DHRSX: variants seen among roughly 807,000 people sequenced by gnomAD.
DHRSX encodes polyprenol dehydrogenase.
DHRSX carries 31 observed loss-of-function variants against 34.0 expected under a neutral mutation model. That is an observed-to-expected ratio of 0.91 (90% CI 0.69 to 1.23). DHRSX has a LOEUF of 1.23. Ranked by LOEUF, DHRSX falls within the 50% of genes most tolerant of loss-of-function variation. The pLI is 0.00. For missense variants in DHRSX, 414 were observed against 428.1 expected (o/e 0.97, Z 0.29); for synonymous variants, 201 against 183.8 (o/e 1.09, Z -0.76).
chrX:2,490,391 A>G (rs1323908993), intron 1 of DHRSX: 6 of 1,613,832 alleles, frequency 3.7e-6, no homozygotes, highest in South Asian at 1.1e-5. Flanking sequence ...CTTGACGGCC[A>G]GCGCGTCCTG....
intron 3 of DHRSX, among the ~76,000 whole-genome samples, chrX:2,357,698 A>AT (rs1306684150): frequency 7.5e-6 from 1 of 133,014 alleles, no homozygotes; most frequent in African/African-American, 2.9e-5. Flanking sequence ...GACTCAGGAA[A>AT]TTAAAAAAAA....
intron 5 of DHRSX, among the ~76,000 whole-genome samples, chrX:2,243,767 G>C (rs992926381): frequency 7.1e-6 from 1 of 140,190 alleles, no homozygotes; most frequent in African/African-American, 2.6e-5. Context: ...GGGATTACAG[G>C]CAGGAGCCAC....
intron 1 of DHRSX, among the ~76,000 whole-genome samples, chrX:2,475,908 A>AT (rs2044671770): frequency 6.6e-6 from 1 of 152,212 alleles, no homozygotes; most frequent in South Asian, 2.1e-4. Context: ...AACTGCAGTA[A>AT]TTACCAAGAC....
intron 3 of DHRSX, among the ~76,000 whole-genome samples, chrX:2,347,866 T>A (rs2042740437): frequency 6.6e-6 from 1 of 152,198 alleles, no homozygotes; most frequent in African/African-American, 2.4e-5. Context: ...AGCATCCATC[T>A]GCAGTTAGAC....
intron 5 of DHRSX, among the ~76,000 whole-genome samples, chrX:2,258,210 T>C: frequency 6.7e-6 from 1 of 149,498 alleles, no homozygotes. Flanking sequence ...TGGTATTCTG[T>C]GATAGCAGCC....
chrX:2,302,867 A>T (rs1195897407), intron 3 of DHRSX, among the ~76,000 whole-genome samples: 2 of 152,098 alleles, frequency 1.3e-5, no homozygotes, highest in Non-Finnish European at 2.9e-5. Context: ...TTTTTTAGTA[A>T]TTCATTTTTA....
chrX:2,474,801 G>C (rs748552792), intron 1 of DHRSX, among the ~76,000 whole-genome samples: 30,764 of 150,286 alleles, frequency 0.2, 4,177 homozygotes, highest in African/African-American at 0.39. Context: ...CCAAGAGACT[G>C]CCACCATATA....
intron 2 of DHRSX, among the ~76,000 whole-genome samples, chrX:2,412,318 G>A (rs1179222191): frequency 1.3e-5 from 2 of 152,086 alleles, no homozygotes; most frequent in Non-Finnish European, 1.5e-5. Context: ...GCCTGACCTC[G>A]GGTGACCCGT....
chrX:2,353,364 C>G (rs1487610588), intron 3 of DHRSX, among the ~76,000 whole-genome samples: 2 of 152,074 alleles, frequency 1.3e-5, no homozygotes, highest in Non-Finnish European at 2.9e-5. Context: ...TCCTCATTTA[C>G]CCCGAAATGA....
At chrX:2,436,480 T>TATTA (rs1423909031) in intron 1 of DHRSX, among the ~76,000 whole-genome samples, 1 of 135,484 alleles carries the variant, frequency 7.4e-6, no homozygotes, top group African/African-American at 2.7e-5. Context: ...TTATTATTAT[T>TATTA]ATTATTATTA....
At chrX:2,366,731 G>A (rs962330975) in intron 3 of DHRSX, among the ~76,000 whole-genome samples, 1 of 151,590 alleles carries the variant, frequency 6.6e-6, no homozygotes, top group Non-Finnish European at 1.5e-5. Context: ...TTGAGAGGGA[G>A]ACCAGAAGCA....
In DHRSX at chrX:2,293,822, G is replaced by A. The variant is rs1310345304; in HGVS notation, c.287-2219C>T. 2.0e-5 allele frequency among the ~76,000 whole-genome samples: 3 copies of A among 152,042 alleles called. No homozygotes were observed. The East Asian group carries it at 5.8e-4, about 29-fold the overall frequency. On this transcript the variant is annotated intron_variant, in intron 3 of 6. Coordinates refer to ENST00000334651, the MANE Select transcript of DHRSX (RefSeq NM_145177.3). ...AGGATAAGCAGTGTGTGTGTGTGGT[G>A]GGGGGAGGGGTCTGCCTGTGCCCCC...
At chrX:2,401,045 A>G (rs1487028242) in intron 3 of DHRSX, among the ~76,000 whole-genome samples, 3 of 151,906 alleles carry the variant, frequency 2.0e-5, no homozygotes, top group African/African-American at 7.3e-5. Flanking sequence ...CACATGAACC[A>G]AACAGCTAGT....
At chrX:2,335,373 G>T (rs763968389) in intron 3 of DHRSX, among the ~76,000 whole-genome samples, 1 of 152,048 alleles carries the variant, frequency 6.6e-6, no homozygotes, top group South Asian at 2.1e-4. Flanking sequence ...GAAACACGGG[G>T]ACGACTCGAA....
chrX:2,308,885 C>T (rs756844902), intron 3 of DHRSX, among the ~76,000 whole-genome samples: 34 of 138,744 alleles, frequency 2.5e-4, no homozygotes, highest in African/African-American at 6.2e-4. Context: ...TGGGTGGAAA[C>T]GGGGAAGGAA....
rs1416399482 is a variant in DHRSX, at chrX:2,291,616, A to G, written c.287-13T>C. The G allele has an allele frequency of 1.3e-6, 2 of 1,599,434 alleles. No individual in the cohort carries two copies. On this transcript the variant is annotated splice_polypyrimidine_tract_variant and intron_variant, in intron 3 of 6. Transcript: ENST00000334651. ...TATAAAAATTCCACTGGAAAAGGACAACAACAAAAAATACCTGGTTATCTC... is the reference window on the plus strand; with the variant it reads ...TATAAAAATTCCACTGGAAAAGGACGACAACAAAAAATACCTGGTTATCTC...
At position 2,219,671 on chromosome X, in the gene DHRSX, G is replaced by C. The variant is rs978498707; in HGVS notation, c.*1370C>G. 6.6e-6 allele frequency: 1 copy of C among 152,164 alleles called. No individual in the cohort carries two copies. The highest frequency in any genetic ancestry group is 2.1e-4 in the South Asian group (1 of 4,826). The allele number at this position is 152,164 out of a possible 1,614,324, so 9.4% of individuals were successfully genotyped here. On this transcript the variant is annotated 3_prime_UTR_variant, in exon 7 of 7. Transcript: ENST00000334651. ...AATTGCAGCTGGTTGTGATTCTAAG[G>C]TACAGGCATGCCAGGAGCCTGGATT...
In DHRSX at chrX:2,425,297, G is replaced by A. The variant is rs2043830396; in HGVS notation, c.117C>T (p.Pro39=). 2 of 1,612,546 alleles carry A rather than the reference G, an allele frequency of 1.2e-6. No homozygotes were observed. Among genetic ancestry groups the A allele is most frequent in the Admixed American group, 1.7e-5 (1 of 59,806 alleles). Reference sequence around the variant, plus strand: ...CTATAGCGACACGGTCAGGTCGTGGGGGGAAAACTGAAAAAGAAGAAGAGA... The same window carrying A: ...CTATAGCGACACGGTCAGGTCGTGGAGGGAAAACTGAAAAAGAAGAAGAGA... The part of the protein sequence containing the change: ...CRGGFLEPVF[P]PRPDRVAIVT... The change falls in exon 2 of 7, where the codon CCC becomes CCT. Residue 39 remains proline, a synonymous_variant. Coordinates refer to ENST00000334651, the MANE Select transcript of DHRSX (RefSeq NM_145177.3).
chrX:2,245,411 C>A (rs2124430615), intron 5 of DHRSX, among the ~76,000 whole-genome samples: 1 of 151,758 alleles, frequency 6.6e-6, no homozygotes, highest in South Asian at 2.1e-4. Flanking sequence ...TGGGTTCAAG[C>A]CATTCTCCTG....
Sources: allele counts gnomAD v4.1 joint callset (sites outside exome capture counted in the v4.1 genomes callset), GRCh38; gene constraint gnomAD v4.1.1; transcripts MANE v1.5; gene names NCBI Gene and HGNC (gene_info 2026-07-23, HGNC 2026-07-21).